The following CFAP44 variants were observed in gnomAD, a reference collection of about 807,000 sequenced individuals.
The protein encoded by CFAP44 is cilia- and flagella-associated protein 44.
CFAP44 carries 134 observed loss-of-function variants against 216.2 expected under a neutral mutation model. The observed-to-expected ratio is 0.62, with a 90% CI of 0.54 to 0.72. The LOEUF (loss-of-function observed/expected upper bound fraction) is 0.72, where lower values mean the gene tolerates loss of function less well. Among genes scored for constraint, CFAP44 ranks in the 30% least tolerant of loss-of-function variants. The pLI, the probability that CFAP44 is intolerant of heterozygous loss-of-function variation, is 0.00. For synonymous variants in CFAP44, 700 were observed against 727.6 expected (o/e 0.96, Z 0.61); for missense variants, 2,035 against 2,182.1 (o/e 0.93, Z 1.34).
chr3:113,291,363 G>A lies in CFAP44; in HGVS notation c.*194C>T. 3.5e-6 allele frequency: 2 copies of A among 575,248 alleles called. No individual in the cohort carries two copies. The highest frequency in any genetic ancestry group is 6.0e-6 in the Non-Finnish European group (2 of 333,288). The allele number at this position is 575,248 out of a possible 1,614,324, so 35.6% of individuals were successfully genotyped here. On this transcript the variant is annotated 3_prime_UTR_variant, in exon 35 of 35. Transcript: ENST00000393845. Reference sequence around the variant, plus strand: ...AAAATGATTCAGTTTCATAACAGAGGTTGGGTGCTGCAGTCAGTTCTAAGA... The same window carrying A: ...AAAATGATTCAGTTTCATAACAGAGATTGGGTGCTGCAGTCAGTTCTAAGA...
chr3:113,322,780 C>T (rs1158791436), intron 28 of CFAP44, among the ~76,000 whole-genome samples: 2 of 152,196 alleles, frequency 1.3e-5, no homozygotes, highest in Non-Finnish European at 1.5e-5. Flanking sequence ...GACATATGCA[C>T]TCATGTTCAT....
At chr3:113,346,374 C>T (rs966236468) in intron 22 of CFAP44, among the ~76,000 whole-genome samples, 1 of 150,506 alleles carries the variant, frequency 6.6e-6, no homozygotes, top group Admixed American at 6.6e-5. Flanking sequence ...CACCAATCAG[C>T]GCTCCGTGCC....
chr3:113,306,447 C>T, intron 29 of CFAP44, 116 bp from the exon 30 acceptor site: 4 of 1,300,218 alleles, frequency 3.1e-6, no homozygotes, highest in Non-Finnish European at 2.1e-6. Flanking sequence ...TCCACTCTAG[C>T]CAGCTTTTAA....
chr3:113,303,023 A>G (rs146397370), intron 32 of CFAP44, among the ~76,000 whole-genome samples: 10 of 152,354 alleles, frequency 6.6e-5, no homozygotes, highest in South Asian at 2.1e-4. Context: ...GTGAATAAAA[A>G]CCACAATGAA....
intron 6 of CFAP44, 143 bp from the exon 7 acceptor site, chr3:113,409,465 C>A (rs1258823058): frequency 1.4e-6 from 1 of 706,694 alleles, no homozygotes. Context: ...CAAAAACATT[C>A]TCCATCTTTG....
chr3:113,293,818 C>T (rs920237683), intron 34 of CFAP44: 12 of 271,472 alleles, frequency 4.4e-5, no homozygotes, highest in Non-Finnish European at 8.9e-5. Context: ...TACTTTGGGA[C>T]TTTTGTTTAG....
At chr3:113,367,221 A>G (rs1348784053) in intron 18 of CFAP44, among the ~76,000 whole-genome samples, 2 of 152,226 alleles carry the variant, frequency 1.3e-5, no homozygotes, top group East Asian at 3.8e-4. Context: ...TTCTCCCAGC[A>G]CAGCGTTCAA....
chr3:113,328,781 T>C (rs2107810105), intron 26 of CFAP44, among the ~76,000 whole-genome samples: 1 of 149,044 alleles, frequency 6.7e-6, no homozygotes, highest in Middle Eastern at 3.6e-3. Context: ...ATAGACTATA[T>C]GTTTGGGCTC....
At chr3:113,293,801 T>C (rs575637012) in intron 34 of CFAP44, among the ~76,000 whole-genome samples, 1 of 152,244 alleles carries the variant, frequency 6.6e-6, no homozygotes, top group African/African-American at 2.4e-5. Flanking sequence ...TAAACAACAT[T>C]GTTTCTTACT....
chr3:113,412,623 AT>A (rs1169272312), intron 6 of CFAP44, among the ~76,000 whole-genome samples: 1 of 151,896 alleles, frequency 6.6e-6, no homozygotes, highest in African/African-American at 2.4e-5. Flanking sequence ...AACACACAGC[AT>A]TTGGTTTTCT....
intron 22 of CFAP44, among the ~76,000 whole-genome samples, chr3:113,356,237 A>C (rs1420813149): frequency 1.3e-5 from 2 of 150,856 alleles, no homozygotes; most frequent in African/African-American, 2.4e-5. Flanking sequence ...TATCATGTTT[A>C]TGTAAGATAA....
intron 22 of CFAP44, among the ~76,000 whole-genome samples, chr3:113,353,040 C>G (rs1286100621): frequency 1.3e-5 from 2 of 152,122 alleles, no homozygotes; most frequent in South Asian, 2.1e-4. Flanking sequence ...GATTTAATAA[C>G]AAGGACGGTA....
intron 24 of CFAP44, among the ~76,000 whole-genome samples, chr3:113,340,084 C>T (rs568565784): frequency 6.6e-6 from 1 of 152,256 alleles, no homozygotes; most frequent in African/African-American, 2.4e-5. Context: ...CCGCCCTGCT[C>T]GTGACTGTTG....
chr3:113,441,379 G>C, intron 1 of CFAP44, 74 bp downstream of exon 1: 2 of 985,466 alleles, frequency 2.0e-6, no homozygotes, highest in Non-Finnish European at 2.4e-6. Flanking sequence ...GCCCAAGTGG[G>C]GTTCACTGCC....
At chr3:113,411,301 C>G (rs142208833) in intron 6 of CFAP44, among the ~76,000 whole-genome samples, 4,346 of 152,216 alleles carry the variant, frequency 0.029, 107 homozygotes, top group East Asian at 0.1. Flanking sequence ...AGTCTTTAAT[C>G]CATCTTGAAT....
At chr3:113,400,709 T>TA (rs139646573) in intron 11 of CFAP44, 65 bp from the exon 12 acceptor site, 3 of 1,398,802 alleles carry the variant, frequency 2.1e-6, no homozygotes, top group African/African-American at 1.4e-5. Context: ...AGATCAAGTT[T>TA]AAAAAAATGC....
chr3:113,411,498 G>A (rs182120141), intron 6 of CFAP44, among the ~76,000 whole-genome samples: 2 of 152,184 alleles, frequency 1.3e-5, no homozygotes, highest in Non-Finnish European at 2.9e-5. Flanking sequence ...CTGCTCCATT[G>A]GTCTATATAT....
rs1576551240 is a variant in CFAP44, at chr3:113,330,383, C to T, written c.3901G>A (p.Gly1301Ser). The change falls in exon 26 of 35, where the codon GGC becomes AGC. Residue 1301 changes from glycine (G) to serine (S), a missense_variant. By Grantham distance (56) the Gly-to-Ser change is moderately conservative. Transcript: ENST00000393845. Reference sequence around the variant, plus strand: ...AGTTTGAGGAATCCTCCAACTGGGCCTCCAGACCCTGTCTGTTCCACTCCG... The same window carrying T: ...AGTTTGAGGAATCCTCCAACTGGGCTTCCAGACCCTGTCTGTTCCACTCCG... The part of the protein sequence containing the change: ...SPGVEQTGSG[G>S]PVGGFLKLSS... 2 of 1,537,338 alleles carry T rather than the reference C, an allele frequency of 1.3e-6. No individual in the cohort carries two copies. Among genetic ancestry groups the T allele is most frequent in the Non-Finnish European group, 1.7e-6 (2 of 1,146,902 alleles).
At chr3:113,406,579 G>A (rs976987391) in intron 8 of CFAP44, among the ~76,000 whole-genome samples, 10 of 150,858 alleles carry the variant, frequency 6.6e-5, no homozygotes, top group East Asian at 1.9e-4. Context: ...AGCGGAGATC[G>A]CGCCACTGCA....
Sources: gnomAD v4.1 joint callset for allele counts (sites outside exome capture counted in the v4.1 genomes callset) on GRCh38, gnomAD v4.1.1 for gene constraint, MANE v1.5 for transcripts, NCBI Gene and HGNC (gene_info 2026-07-23, HGNC 2026-07-21) for gene names.